Variants in TMOD3 observed in about 807,000 individuals in gnomAD.
TMOD3 encodes the protein tropomodulin-3.
TMOD3 carries 20 observed loss-of-function variants against 39.2 expected under a neutral mutation model. The observed-to-expected ratio is 0.51, with a 90% CI of 0.36 to 0.74. TMOD3 has a LOEUF of 0.74. TMOD3 is among the 30% of genes least tolerant of loss of function. The pLI, the probability that TMOD3 is intolerant of heterozygous loss-of-function variation, is 0.00. For synonymous variants in TMOD3, 143 were observed against 145.8 expected (o/e 0.98, Z 0.14); for missense variants, 381 against 412.8 (o/e 0.92, Z 0.67).
intron 1 of TMOD3, among the ~76,000 whole-genome samples, chr15:51,830,890 A>G (rs1056663435): frequency 1.3e-5 from 2 of 152,200 alleles, no homozygotes; most frequent in Non-Finnish European, 2.9e-5. Context: ...GTCAGCAATC[A>G]TAATAGTTAC....
intron 2 of TMOD3, among the ~76,000 whole-genome samples, chr15:51,865,906 A>G (rs1022631863): frequency 2.0e-5 from 3 of 152,048 alleles, no homozygotes; most frequent in South Asian, 2.1e-4. Context: ...AAAAAAAAAT[A>G]TATATATATG....
intron 9 of TMOD3, among the ~76,000 whole-genome samples, chr15:51,902,798 C>A (rs1001158724): frequency 5.3e-5 from 8 of 152,000 alleles, no homozygotes; most frequent in Non-Finnish European, 8.8e-5. Flanking sequence ...TACAGGCGCC[C>A]GCCACCTCGC....
chr15:51,913,335 T>G lies in TMOD3; in HGVS notation c.*4525T>G, dbSNP rs1400260158. 6.6e-6 allele frequency: 1 copy of G among 152,164 alleles called. No homozygotes were observed. Among genetic ancestry groups the G allele is most frequent in the Admixed American group, 6.5e-5 (1 of 15,280 alleles). The allele number at this position is 152,164 out of a possible 1,614,324, so 9.4% of individuals were successfully genotyped here. On this transcript the variant is annotated 3_prime_UTR_variant, in exon 10 of 10. Transcript: ENST00000308580. ...AGATTGAACATCCCTAATTGAAAAC[T>G]TTTTGAGTACTAACATAGTGTTCAA...
intron 3 of TMOD3, among the ~76,000 whole-genome samples, chr15:51,875,739 C>T (rs1276700091): frequency 6.6e-6 from 1 of 151,864 alleles, no homozygotes; most frequent in African/African-American, 2.4e-5. Flanking sequence ...CCTCAGCCTC[C>T]CAAGTAACTG....
At chr15:51,840,974 T>G (rs914405194) in intron 1 of TMOD3, among the ~76,000 whole-genome samples, 2 of 152,234 alleles carry the variant, frequency 1.3e-5, no homozygotes, top group Admixed American at 1.3e-4. Flanking sequence ...AATTGAGTAT[T>G]TTTTAGAGGA....
intron 3 of TMOD3, among the ~76,000 whole-genome samples, chr15:51,876,989 C>T (rs2623275): frequency 0.034 from 5,180 of 152,056 alleles, 287 homozygotes; most frequent in African/African-American, 0.12. Flanking sequence ...CTTGAGCCTA[C>T]GAGTTCATTG....
chr15:51,871,903 A>T (rs961732196), intron 3 of TMOD3, among the ~76,000 whole-genome samples: 1 of 152,182 alleles, frequency 6.6e-6, no homozygotes, highest in Non-Finnish European at 1.5e-5. Context: ...TTTATAATAC[A>T]TTCGGTATTT....
At chr15:51,830,291 T>G (rs575100928) in intron 1 of TMOD3, among the ~76,000 whole-genome samples, 2 of 152,300 alleles carry the variant, frequency 1.3e-5, no homozygotes, top group East Asian at 3.9e-4. Flanking sequence ...ACACCCTTTT[T>G]GTGATTGAAA....
At chr15:51,847,811 A>T (rs2056343106) in intron 1 of TMOD3, among the ~76,000 whole-genome samples, 1 of 151,124 alleles carries the variant, frequency 6.6e-6, no homozygotes, top group Non-Finnish European at 1.5e-5. Flanking sequence ...GGCATTTTTT[A>T]GAAGGTAAAT....
intron 1 of TMOD3, among the ~76,000 whole-genome samples, chr15:51,838,703 G>A (rs2056298555): frequency 6.6e-6 from 1 of 152,096 alleles, no homozygotes; most frequent in African/African-American, 2.4e-5. Flanking sequence ...ACACCCTGAG[G>A]CAGGTGCCTC....
chr15:51,852,095 A>G (rs997587908), intron 1 of TMOD3, among the ~76,000 whole-genome samples: 1 of 152,226 alleles, frequency 6.6e-6, no homozygotes, highest in African/African-American at 2.4e-5. Context: ...CACTTTTAAA[A>G]TAGGGCAGGG....
chr15:51,830,518 CTTTT>C (rs565823310), intron 1 of TMOD3, among the ~76,000 whole-genome samples: 1 of 152,108 alleles, frequency 6.6e-6, no homozygotes, highest in Non-Finnish European at 1.5e-5. Flanking sequence ...GCCACAGTTT[CTTTT>C]TTTCTTTTTA....
intron 3 of TMOD3, among the ~76,000 whole-genome samples, chr15:51,878,164 A>G (rs1014232441): frequency 6.6e-6 from 1 of 152,204 alleles, no homozygotes; most frequent in Non-Finnish European, 1.5e-5. Flanking sequence ...CTAGGTAATC[A>G]CAGGGCTCAC....
chr15:51,835,800 T>C (rs182287232), intron 1 of TMOD3, among the ~76,000 whole-genome samples: 9 of 152,342 alleles, frequency 5.9e-5, no homozygotes, highest in Admixed American at 1.3e-4. Flanking sequence ...TTTTTACTTT[T>C]CCTCATTTCT....
At chr15:51,848,197 TA>T (rs2056345274) in intron 1 of TMOD3, among the ~76,000 whole-genome samples, 1 of 152,202 alleles carries the variant, frequency 6.6e-6, no homozygotes, top group Non-Finnish European at 1.5e-5. Flanking sequence ...TATAGCAGCC[TA>T]AATGGGCTAA....
chr15:51,903,005 C>A (rs2056660620), intron 9 of TMOD3, among the ~76,000 whole-genome samples: 1 of 151,928 alleles, frequency 6.6e-6, no homozygotes. Flanking sequence ...AGGATGGTCT[C>A]AATCTCTTGA....
intron 1 of TMOD3, among the ~76,000 whole-genome samples, chr15:51,857,624 A>G (rs1001809826): frequency 5.3e-5 from 8 of 152,250 alleles, no homozygotes; most frequent in Admixed American, 5.2e-4. Flanking sequence ...TTGAAAGTAA[A>G]GTAAGGGATG....
chr15:51,894,405 A>G (rs2141704180), intron 6 of TMOD3, among the ~76,000 whole-genome samples: 1 of 152,326 alleles, frequency 6.6e-6, no homozygotes, highest in East Asian at 1.9e-4. Flanking sequence ...AAAAAATAAA[A>G]TAAAACCTGT....
chr15:51,897,482 A>ATTTTTTT (rs1167476019), intron 7 of TMOD3, among the ~76,000 whole-genome samples: 1 of 113,084 alleles, frequency 8.8e-6, no homozygotes, highest in Non-Finnish European at 1.7e-5. Context: ...AAAAAAAAAA[A>ATTTTTTT]TTTTTTTTTT....
Sources: allele counts gnomAD v4.1 joint callset (sites outside exome capture counted in the v4.1 genomes callset), GRCh38; gene constraint gnomAD v4.1.1; transcripts MANE v1.5; gene names NCBI Gene and HGNC (gene_info 2026-07-23, HGNC 2026-07-21).